The following UNC13C variants were observed in gnomAD, a reference collection of about 807,000 sequenced individuals.
UNC13C encodes unc-13 homolog C.
Under a neutral mutation model 245.4 loss-of-function variants are expected in UNC13C, and 174 were observed. The ratio of observed to expected loss-of-function variants is 0.71; its 90% CI spans 0.63 to 0.80. UNC13C has a LOEUF of 0.80. Among genes scored for constraint, UNC13C ranks in the 30% least tolerant of loss-of-function variants. The pLI, the probability that UNC13C is intolerant of heterozygous loss-of-function variation, is 0.00. For missense variants in UNC13C, 2,829 were observed against 2,602.9 expected (o/e 1.09, Z -1.89); for synonymous variants, 992 against 895.1 (o/e 1.11, Z -1.93).
At chr15:54,223,456 T>A (rs972759467) in intron 4 of UNC13C, among the ~76,000 whole-genome samples, 7 of 152,156 alleles carry the variant, frequency 4.6e-5, no homozygotes, top group African/African-American at 1.7e-4. Context: ...TCTGTGTGTC[T>A]GTTTTTAGGC....
rs557757266 is a variant in UNC13C at position 54,082,019 on chromosome 15, G to C, written c.2984-60999G>C. ...CTTAGCATTTGCTTGCCTGGGAAAA[G>C]TTTTATTTCTTTTTCACTTATGGAG... On this transcript the variant is annotated intron_variant, in intron 2 of 32. Coordinates refer to ENST00000260323, the MANE Select transcript of UNC13C (RefSeq NM_001080534.3). Among the ~76,000 whole-genome samples, 3 of 152,244 alleles carry C rather than the reference G, an allele frequency of 2.0e-5. No individual in the cohort carries two copies. In the South Asian group the frequency reaches 6.2e-4, roughly 32 times the overall value.
intron 1 of UNC13C, among the ~76,000 whole-genome samples, chr15:53,985,008 TG>T (rs1205916988): frequency 6.6e-6 from 1 of 152,072 alleles, no homozygotes; most frequent in Admixed American, 6.6e-5. Flanking sequence ...CGGGAATACA[TG>T]TGCAGAACGT....
chr15:54,587,118 A>T (rs1898534787), intron 30 of UNC13C, among the ~76,000 whole-genome samples: 1 of 152,226 alleles, frequency 6.6e-6, no homozygotes, highest in African/African-American at 2.4e-5. Context: ...ATTATTAATT[A>T]GGTTTCAACT....
At chr15:53,876,075 C>T in the UNC13C span, among the ~76,000 whole-genome samples, 2 of 152,194 alleles carry the variant, frequency 1.3e-5, no homozygotes, top group Non-Finnish European at 2.9e-5. Context: ...AATACTCTCT[C>T]CTGTTTAAGA....
intron 13 of UNC13C, among the ~76,000 whole-genome samples, chr15:54,304,299 T>A (rs1215601415): frequency 6.6e-6 from 1 of 152,078 alleles, no homozygotes; most frequent in Non-Finnish European, 1.5e-5. Context: ...CAGATAGAAA[T>A]AAAGCAAAAG....
chr15:54,071,668 C>T (rs201916179), intron 2 of UNC13C, among the ~76,000 whole-genome samples: 1 of 112,402 alleles, frequency 8.9e-6, no homozygotes, highest in Admixed American at 8.0e-5. Flanking sequence ...TTGAAAAAAA[C>T]AAAAAGAACA....
At chr15:54,346,034 C>G (rs11633514) in intron 17 of UNC13C, among the ~76,000 whole-genome samples, 1 of 152,098 alleles carries the variant, frequency 6.6e-6, no homozygotes, top group Admixed American at 6.5e-5. Context: ...TTTGGTGTTT[C>G]GGTTCTCTAT....
chr15:54,482,431 A>G (rs1384987630), intron 19 of UNC13C, among the ~76,000 whole-genome samples: 1 of 152,198 alleles, frequency 6.6e-6, no homozygotes, highest in Non-Finnish European at 1.5e-5. Context: ...TGTGAGAGCC[A>G]AAGGGTTCTC....
chr15:54,452,505 G>A (rs1381869145), intron 19 of UNC13C, among the ~76,000 whole-genome samples: 5 of 152,202 alleles, frequency 3.3e-5, no homozygotes, highest in African/African-American at 9.6e-5. Flanking sequence ...TTCAGCTGCT[G>A]AGAGGAATGT....
Position 54,623,851 on chromosome 15 carries a change from G to A in UNC13C, c.6256G>A (p.Glu2086Lys). 1 of 1,613,140 alleles carries A rather than the reference G, an allele frequency of 6.2e-7. No individual in the cohort carries two copies. Among genetic ancestry groups the A allele is most frequent in the African/African-American group, 1.3e-5 (1 of 74,972 alleles). Residue 2086 changes from glutamate to lysine, a missense_variant, in exon 32 of 33, where the codon GAA becomes AAA. Transcript: ENST00000260323. ...CACAGCAATGTTCCGCCCCTTTGTG[G>A]AAGTTTGTATACTGGGACCCAACCT... ...QTTAMFRPFV[E>K]VCILGPNLGD...
intron 17 of UNC13C, among the ~76,000 whole-genome samples, chr15:54,349,726 T>C (rs2038938400): frequency 1.3e-5 from 2 of 152,192 alleles, no homozygotes; most frequent in African/African-American, 4.8e-5. Flanking sequence ...TCTGGGTACA[T>C]ATTTTCACAA....
chr15:53,928,871 C>A, the UNC13C span, among the ~76,000 whole-genome samples: 1 of 152,178 alleles, frequency 6.6e-6, no homozygotes, highest in Non-Finnish European at 1.5e-5. Flanking sequence ...AGAGCATGTT[C>A]TTTATGTTCT....
At chr15:54,236,379 C>G in intron 5 of UNC13C, 51 bp from the exon 6 acceptor site, 1 of 1,447,526 alleles carries the variant, frequency 6.9e-7, no homozygotes, top group South Asian at 1.2e-5. Flanking sequence ...TCCTACCTTT[C>G]ATGTATCTAA....
At chr15:54,388,749 G>T (rs1380703786) in intron 17 of UNC13C, among the ~76,000 whole-genome samples, 2 of 151,876 alleles carry the variant, frequency 1.3e-5, no homozygotes, top group Admixed American at 6.6e-5. Flanking sequence ...CCAAGGTTTT[G>T]TCTGTGGTCA....
chr15:54,489,688 G>A (rs1490266724), intron 19 of UNC13C, among the ~76,000 whole-genome samples: 1 of 152,098 alleles, frequency 6.6e-6, no homozygotes, highest in African/African-American at 2.4e-5. Flanking sequence ...AGAGGAAAAG[G>A]ACATAGTTTG....
At chr15:54,220,609 A>T (rs552671105) in intron 4 of UNC13C, among the ~76,000 whole-genome samples, 13 of 111,638 alleles carry the variant, frequency 1.2e-4, no homozygotes, top group African/African-American at 2.6e-4. Context: ...TAATAAAAAT[A>T]AAAAAAATTA....
At chr15:54,451,730 A>T (rs1014886767) in intron 19 of UNC13C, among the ~76,000 whole-genome samples, 1 of 151,876 alleles carries the variant, frequency 6.6e-6, no homozygotes, top group Admixed American at 6.6e-5. Context: ...ATTTAATATC[A>T]TTACTTTTAA....
chr15:54,321,192 A>C (rs2038147832), intron 13 of UNC13C: 1 of 506,484 alleles, frequency 2.0e-6, no homozygotes, highest in African/African-American at 2.0e-5. Context: ...GGTGTTTCTG[A>C]ATGACAGCCT....
At chr15:54,403,465 T>G (rs1358998098) in intron 18 of UNC13C, among the ~76,000 whole-genome samples, 4 of 152,096 alleles carry the variant, frequency 2.6e-5, no homozygotes, top group Non-Finnish European at 5.9e-5. Flanking sequence ...TTCACGCATG[T>G]AATCCCAGCA....
Sources: gnomAD v4.1 joint callset for allele counts (sites outside exome capture counted in the v4.1 genomes callset) on GRCh38, gnomAD v4.1.1 for gene constraint, MANE v1.5 for transcripts, NCBI Gene and HGNC (gene_info 2026-07-23, HGNC 2026-07-21) for gene names.